The following PADI1 variants were observed in gnomAD, a reference collection of about 807,000 sequenced individuals.
The protein encoded by PADI1 is peptidyl arginine deiminase 1, also known as protein-arginine deiminase type-1.
PADI1 carries 65 observed loss-of-function variants against 74.8 expected under a neutral mutation model. That is an observed-to-expected ratio of 0.87 (90% CI 0.71 to 1.07). PADI1 has a LOEUF of 1.07. PADI1 is among the 50% of genes least tolerant of loss of function. The probability of loss-of-function intolerance (pLI) is 0.00; values close to 1 mark genes in which losing one functional copy is unlikely to be tolerated. For synonymous variants in PADI1, 371 were observed against 336.2 expected (o/e 1.10, Z -1.13); for missense variants, 943 against 854.0 (o/e 1.10, Z -1.30).
chr1:17,206,984 A>G (rs575387559), intron 1 of PADI1, among the ~76,000 whole-genome samples: 2 of 152,250 alleles, frequency 1.3e-5, no homozygotes, highest in Admixed American at 6.5e-5. Context: ...CCTGGCCACT[A>G]AAGCTGAAAT....
chr1:17,206,652 T>C (rs1182991469), intron 1 of PADI1, among the ~76,000 whole-genome samples: 2 of 152,060 alleles, frequency 1.3e-5, no homozygotes, highest in Non-Finnish European at 2.9e-5. Flanking sequence ...ATCTGCTGTT[T>C]AGCTGAAGCT....
At chr1:17,236,293 A>G (rs1411225511) in intron 11 of PADI1, among the ~76,000 whole-genome samples, 1 of 152,218 alleles carries the variant, frequency 6.6e-6, no homozygotes, top group African/African-American at 2.4e-5. Context: ...ATTTTCTGGG[A>G]CTCAACTCCC....
chr1:17,224,826 A>T (rs749290903), intron 4 of PADI1, among the ~76,000 whole-genome samples: 15 of 152,152 alleles, frequency 9.9e-5, no homozygotes, highest in Non-Finnish European at 4.4e-5. Flanking sequence ...TATGGTGGTC[A>T]GCCCCAGGTA....
chr1:17,230,434 C>A, intron 9 of PADI1, 138 bp from the exon 10 acceptor site: 1 of 727,360 alleles, frequency 1.4e-6, no homozygotes, highest in Non-Finnish European at 2.2e-6. Context: ...CCTAAGAGGC[C>A]TCACTTCTAC....
At chr1:17,206,478 C>T (rs1216694169) in intron 1 of PADI1, among the ~76,000 whole-genome samples, 3 of 152,100 alleles carry the variant, frequency 2.0e-5, no homozygotes, top group Admixed American at 1.3e-4. Flanking sequence ...CTGGTTCTCT[C>T]GGGTCTAGGT....
intron 11 of PADI1, among the ~76,000 whole-genome samples, chr1:17,235,818 T>C (rs1183194359): frequency 1.3e-5 from 2 of 152,100 alleles, no homozygotes; most frequent in South Asian, 4.2e-4. Context: ...CCCACAAGCC[T>C]CACGAGCCAG....
rs747904823 is a variant in PADI1, at chr1:17,223,208, C to T, written c.274-413C>T. Among the ~76,000 whole-genome samples, 6 of 152,310 alleles carry T rather than the reference C, an allele frequency of 3.9e-5. 1 individual carries two copies. In the South Asian group the frequency reaches 1.2e-3, roughly 32 times the overall value. On this transcript the variant is annotated intron_variant, in intron 2 of 15. Coordinates refer to ENST00000375471, the MANE Select transcript of PADI1 (RefSeq NM_013358.3). ...CTGGACCACGCTAAAAGCTCCAGGA[C>T]CACTGACTGGGGTGATGGAGTGGGG...
In PADI1 at chr1:17,205,143, T is replaced by C; in HGVS notation, c.-75T>C. On this transcript the variant is annotated 5_prime_UTR_variant, in exon 1 of 16. Transcript: ENST00000375471. ...CCAGTCCATCAGAACTCACACTTCT[T>C]CCTGGCAAAGAAGTGCCCAGGACGG... The C allele has an allele frequency of 8.3e-7, 1 of 1,207,392 alleles. No individual in the cohort carries two copies. Among genetic ancestry groups the C allele is most frequent in the East Asian group, 2.4e-5 (1 of 41,340 alleles). 74.8% of individuals were successfully genotyped at this position (1,207,392 alleles called of 1,614,324 possible).
intron 1 of PADI1, among the ~76,000 whole-genome samples, chr1:17,210,979 T>A (rs1273247164): frequency 1.3e-5 from 2 of 152,208 alleles, no homozygotes; most frequent in Admixed American, 6.5e-5. Flanking sequence ...TGGCCACATG[T>A]GAGGAGCTTC....
chr1:17,223,623 G>A lies in PADI1; in HGVS notation c.276G>A (p.Val92=). 6.2e-7 allele frequency: 1 copy of A among 1,613,738 alleles called. No individual in the cohort carries two copies. The highest frequency in any genetic ancestry group is 8.5e-7 in the Non-Finnish European group (1 of 1,179,690). Residue 92 remains valine (V), a splice_region_variant and synonymous_variant, in exon 3 of 16, where the codon GTG becomes GTA. Transcript: ENST00000375471. The part of the protein sequence containing the change: ...TASKELKDFK[V]RVSYFGEQED... ...AGGCTTAGGGCTATGTTCTGCAGGT[G>A]AGGGTCTCCTACTTTGGGGAGCAGG...
chr1:17,228,204 C>T (rs1281161440), intron 6 of PADI1, among the ~76,000 whole-genome samples: 1 of 152,204 alleles, frequency 6.6e-6, no homozygotes, highest in Admixed American at 6.5e-5. Context: ...GTTACCCAGG[C>T]TGGTCTCAAG....
chr1:17,224,335 G>C (rs2072248449), intron 3 of PADI1, 32 bp from the exon 4 acceptor site: 2 of 1,599,948 alleles, frequency 1.3e-6, no homozygotes, highest in Non-Finnish European at 1.7e-6. Flanking sequence ...GGCTGGATGA[G>C]CCCCTGGCAG....
At chr1:17,223,993 G>A (rs781059248) in intron 3 of PADI1, among the ~76,000 whole-genome samples, 5 of 152,228 alleles carry the variant, frequency 3.3e-5, no homozygotes, top group South Asian at 2.1e-4. Context: ...GACCCAGCAC[G>A]GAACGTGCCC....
chr1:17,213,605 A>G (rs1350311736), intron 1 of PADI1, among the ~76,000 whole-genome samples: 1 of 152,200 alleles, frequency 6.6e-6, no homozygotes, highest in Non-Finnish European at 1.5e-5. Flanking sequence ...ACCCTGTGAC[A>G]AGTAACACCT....
At chr1:17,223,352 C>T (rs1409477841) in intron 2 of PADI1, 1 of 477,354 alleles carries the variant, frequency 2.1e-6, no homozygotes, top group Non-Finnish European at 3.8e-6. Flanking sequence ...CTGGGAGCTG[C>T]CCCACCTTTC....
At position 17,226,076 on chromosome 1, in the gene PADI1, C is replaced by T. The variant is rs147831146; in HGVS notation, c.570C>T (p.Pro190=). The T allele has an allele frequency of 1.5e-4, 239 of 1,614,036 alleles. No homozygotes were observed. Among genetic ancestry groups the T allele is most frequent in the Admixed American group, 2.2e-4 (13 of 60,008 alleles). The change falls in exon 6 of 16, where the codon CCC becomes CCT. Residue 190 remains proline (P), a synonymous_variant. Coordinates refer to ENST00000375471, the MANE Select transcript of PADI1 (RefSeq NM_013358.3). ...CAATGCTGCTGAGCTGCAATGGCCC[C>T]GACAAGCTCTTCGACAGCCACAAGC... The part of the protein sequence containing the change: ...MSPMLLSCNG[P]DKLFDSHKLV...
chr1:17,237,705 C>G (rs994799224), intron 12 of PADI1, among the ~76,000 whole-genome samples: 1 of 152,222 alleles, frequency 6.6e-6, no homozygotes, highest in African/African-American at 2.4e-5. Flanking sequence ...ATTTATTGAG[C>G]ACCTACTATG....
chr1:17,238,483 G>C (rs2100523943), intron 12 of PADI1, 133 bp from the exon 13 acceptor site: 2 of 424,948 alleles, frequency 4.7e-6, no homozygotes, highest in East Asian at 7.1e-5. Context: ...ACAGTGCTTT[G>C]TGGCTGGGGT....
At chr1:17,232,785 T>C in intron 10 of PADI1, 34 bp from the exon 11 acceptor site, 1 of 1,591,550 alleles carries the variant, frequency 6.3e-7, no homozygotes, top group Non-Finnish European at 8.6e-7. Flanking sequence ...GACCTCTCCT[T>C]CTTGGGGTGG....
Sources: allele counts gnomAD v4.1 joint callset (sites outside exome capture counted in the v4.1 genomes callset), GRCh38; gene constraint gnomAD v4.1.1; transcripts MANE v1.5; gene names NCBI Gene and HGNC (gene_info 2026-07-23, HGNC 2026-07-21).